BCL3: variants seen among roughly 807,000 people sequenced by gnomAD.
BCL3 encodes the protein BCL3 transcription coactivator.
BCL3 carries 15 observed loss-of-function variants against 35.7 expected under a neutral mutation model. The observed-to-expected ratio is 0.42, with a 90% CI of 0.28 to 0.65. BCL3 has a LOEUF of 0.65. Ranked by LOEUF, BCL3 falls within the 30% of genes least tolerant of loss-of-function variation. The pLI is 0.22. For missense variants in BCL3, 565 were observed against 641.7 expected (o/e 0.88, Z 1.29); for synonymous variants, 311 against 284.3 (o/e 1.09, Z -0.95).
In BCL3 at chr19:44,759,497, T is replaced by A; in HGVS notation, c.1247T>A (p.Met416Lys). 1.2e-6 allele frequency: 2 copies of A among 1,612,406 alleles called. No individual in the cohort carries two copies. Among genetic ancestry groups the A allele is most frequent in the Non-Finnish European group, 1.7e-6 (2 of 1,179,194 alleles). Reference protein sequence around the residue: ...SPPRDPPGFPMAPPNFFLPSP... With the variant: ...SPPRDPPGFPKAPPNFFLPSP... ...CCCAGGGACCCCCCTGGATTCCCCA[T>A]GGCTCCTCCCAATTTCTTCCTTCCT... Residue 416 changes from methionine (M) to lysine (K), a missense_variant, in exon 9 of 9, where the codon ATG becomes AAG. Transcript: ENST00000164227.
chr19:44,748,098 G>A (rs1252034629), upstream of BCL3: 3 of 1,333,676 alleles, frequency 2.2e-6, no homozygotes, highest in Non-Finnish European at 2.0e-6. Context: ...GGCTCAGAGA[G>A]GGGAAGTGTT....
upstream of BCL3, chr19:44,748,695 T>G (rs1232880942): frequency 9.6e-7 from 1 of 1,043,798 alleles, no homozygotes; most frequent in African/African-American, 1.7e-5. Flanking sequence ...GTCCCTTCAG[T>G]TCAGCCGGCT....
intron 2 of BCL3, among the ~76,000 whole-genome samples, chr19:44,754,894 T>C (rs1449330586): frequency 6.6e-6 from 1 of 152,250 alleles, no homozygotes; most frequent in Admixed American, 6.5e-5. Context: ...GCGGCTACGC[T>C]AGGAGGGGTT....
In BCL3 at chr19:44,758,711, C is replaced by T; in HGVS notation, c.1060-13C>T. ...GCATGGGTGGCTCTATGGTCACGCC[C>T]ATCTTCCTACAGGTCATCGACATCC... On this transcript the variant is annotated splice_polypyrimidine_tract_variant and intron_variant, in intron 7 of 8. Coordinates refer to ENST00000164227, the MANE Select transcript of BCL3 (RefSeq NM_005178.5). 6.3e-7 allele frequency: 1 copy of T among 1,582,560 alleles called. No homozygotes were observed. The highest frequency in any genetic ancestry group is 8.6e-7 in the Non-Finnish European group (1 of 1,164,022).
At chr19:44,748,171 A>G (rs1486593440), upstream of BCL3, 1 of 1,030,778 alleles carries the variant, frequency 9.7e-7, no homozygotes, top group Admixed American at 2.6e-5. Flanking sequence ...CAGAGATGCC[A>G]AGGCCTCCTG....
rs1388701925 is a variant in BCL3, at chr19:44,758,786, C to T, written c.1122C>T (p.Ser374=). Residue 374 remains serine (S), a synonymous_variant, in exon 8 of 9, where the codon TCC becomes TCT. Transcript: ENST00000164227. ...CTTCCACCTCCCAGCCAGACCCCTC[C>T]CCTGACCGGAGCGCCAACACCTCCC... ...RPASTSQPDP[S]PDRSANTSPE... The T allele has an allele frequency of 1.2e-6, 2 of 1,609,042 alleles. No individual in the cohort carries two copies. Among genetic ancestry groups the T allele is most frequent in the Admixed American group, 1.7e-5 (1 of 59,486 alleles).
rs764859226 is a variant in BCL3 at position 44,759,595 on chromosome 19, C to G, written c.1345C>G (p.Pro449Ala). 4 of 1,606,690 alleles carry G rather than the reference C, an allele frequency of 2.5e-6. No homozygotes were observed. The highest frequency in any genetic ancestry group is 1.7e-5 in the Admixed American group (1 of 59,636). The change falls in exon 9 of 9, where the codon CCA becomes GCA. Residue 449 changes from proline to alanine, a missense_variant. By Grantham distance (27) the Pro-to-Ala change is conservative. This residue lies in a region of BCL3 where 151 missense variants were observed against 138.1 expected (regional missense o/e 1.09). Coordinates refer to ENST00000164227, the MANE Select transcript of BCL3 (RefSeq NM_005178.5). ...RGPGRPVPPS[P>A]APGGS ...CCCTGGCCGGCCGGTGCCCCCCTCC[C>G]CAGCTCCAGGAGGCAGCTGAGGGGG...
At chr19:44,756,363 A>T in intron 3 of BCL3, 23 bp downstream of exon 3, 2 of 1,319,808 alleles carry the variant, frequency 1.5e-6, no homozygotes, top group Non-Finnish European at 2.0e-6. Context: ...CTGAGGGAGG[A>T]GGGCTGGGGC....
chr19:44,755,902 GAAC>G (rs751784573), intron 2 of BCL3, among the ~76,000 whole-genome samples: 2 of 152,134 alleles, frequency 1.3e-5, no homozygotes, highest in African/African-American at 2.4e-5. Flanking sequence ...CTGGGCGATA[GAAC>G]AACACTCCGT....
chr19:44,748,861 G>C lies in BCL3; in HGVS notation c.71G>C (p.Gly24Ala). 1.8e-6 allele frequency: 2 copies of C among 1,104,610 alleles called. No homozygotes were observed. Among genetic ancestry groups the C allele is most frequent in the Non-Finnish European group, 2.2e-6 (2 of 908,324 alleles). The allele number at this position is 1,104,610 out of a possible 1,614,324, so 68.4% of individuals were successfully genotyped here. The change falls in exon 1 of 9, where the codon GGA becomes GCA. Residue 24 changes from glycine (G) to alanine (A), a missense_variant. Gly to Ala is a moderately conservative substitution (Grantham distance 60). Transcript: ENST00000164227. ...CTGCGCACCCGGCCCAAGGCCGCCG[G>C]ACTCCCGGGCGCCGCGCTGCCGCTC... ...VDLRTRPKAA[G>A]LPGAALPLRK...
rs889400500 is a variant in BCL3, at chr19:44,759,801, C to T, written c.*186C>T. The stretch of plus-strand genomic sequence containing the variant: ...TCTGAGCACAGATGTTCCCCCATCT[C>T]GCTCCCTCCCAGGACTCTGACCCCA... On this transcript the variant is annotated 3_prime_UTR_variant, in exon 9 of 9. Transcript: ENST00000164227. 19 of 520,240 alleles carry T rather than the reference C, an allele frequency of 3.7e-5. No individual in the cohort carries two copies. The highest frequency in any genetic ancestry group is 8.1e-5 in the African/African-American group (4 of 49,674). 32.2% of individuals were successfully genotyped at this position (520,240 alleles called of 1,614,324 possible).
upstream of BCL3, chr19:44,747,952 C>G: frequency 2.3e-6 from 3 of 1,280,372 alleles, no homozygotes; most frequent in Non-Finnish European, 3.0e-6. Context: ...ACCCCCAGCC[C>G]CTTTAGACCC....
In BCL3 at chr19:44,758,226, C is replaced by A; in HGVS notation, c.892-20C>A. 6.8e-7 allele frequency: 1 copy of A among 1,468,152 alleles called. No homozygotes were observed. Among genetic ancestry groups the A allele is most frequent in the Non-Finnish European group, 8.9e-7 (1 of 1,120,324 alleles). 90.9% of individuals were successfully genotyped at this position (1,468,152 alleles called of 1,614,324 possible). ...CGGGTGGCCCGCGCGCCCTCCTGACCCGGCCCTCCCGTCCCGCAGCACGGC... is the reference window on the plus strand; with the variant it reads ...CGGGTGGCCCGCGCGCCCTCCTGACACGGCCCTCCCGTCCCGCAGCACGGC... On this transcript the variant is annotated intron_variant, in intron 6 of 8. Transcript: ENST00000164227.
At position 44,748,934 on chromosome 19, in the gene BCL3, C is replaced by A; in HGVS notation, c.144C>A (p.Arg48=). The change falls in exon 1 of 9, where the codon CGC becomes CGA. Residue 48 remains arginine (R), a synonymous_variant. Coordinates refer to ENST00000164227, the MANE Select transcript of BCL3 (RefSeq NM_005178.5). ...RAPSPEPAAP[R]GAAGLVVPLD... ...CCTCCCCGGAGCCCGCCGCTCCCCGCGGCGCTGCGGGCCTTGTCGTCCCCC... is the reference window on the plus strand; with the variant it reads ...CCTCCCCGGAGCCCGCCGCTCCCCGAGGCGCTGCGGGCCTTGTCGTCCCCC... 3 of 1,205,862 alleles carry A rather than the reference C, an allele frequency of 2.5e-6. No individual in the cohort carries two copies. The highest frequency in any genetic ancestry group is 2.1e-6 in the Non-Finnish European group (2 of 969,962). 74.7% of individuals were successfully genotyped at this position (1,205,862 alleles called of 1,614,324 possible). A position where few individuals can be genotyped will look rare whatever the true frequency, so the allele number is the denominator to read the frequency against.
intron 3 of BCL3, among the ~76,000 whole-genome samples, chr19:44,756,667 C>CT (rs1277660840): frequency 6.6e-6 from 1 of 151,084 alleles, no homozygotes; most frequent in Non-Finnish European, 1.5e-5. Context: ...GGTCTGGACT[C>CT]TAAGTAGCGA....
intron 2 of BCL3, among the ~76,000 whole-genome samples, chr19:44,752,987 T>A (rs1333017855): frequency 6.6e-6 from 1 of 152,216 alleles, no homozygotes; most frequent in Admixed American, 6.5e-5. Context: ...AGTGATTTCA[T>A]GTCCCTGAGT....
At chr19:44,750,151 C>T (rs1967149643) in intron 1 of BCL3, among the ~76,000 whole-genome samples, 1 of 152,198 alleles carries the variant, frequency 6.6e-6, no homozygotes, top group Non-Finnish European at 1.5e-5. Flanking sequence ...GCTGGAGAGC[C>T]TCAAGCTATG....
chr19:44,747,901 T>G (rs1252657772), upstream of BCL3: 2 of 1,154,966 alleles, frequency 1.7e-6, no homozygotes, highest in African/African-American at 3.3e-5. Flanking sequence ...CCCCAACGAG[T>G]GCAGAGACAC....
chr19:44,757,480 G>T lies in BCL3; in HGVS notation c.813+65G>T. 2 of 1,485,178 alleles carry T rather than the reference G, an allele frequency of 1.3e-6. No individual in the cohort carries two copies. Among genetic ancestry groups the T allele is most frequent in the Non-Finnish European group, 1.8e-6 (2 of 1,092,312 alleles). 92.0% of individuals were successfully genotyped at this position (1,485,178 alleles called of 1,614,324 possible). ...GCAGGGGCGGGGTCTTGGCGGGGGC[G>T]GGGCCAGTGTGGGGCTGGCGTGGGA... On this transcript the variant is annotated intron_variant, in intron 5 of 8. Coordinates refer to ENST00000164227, the MANE Select transcript of BCL3 (RefSeq NM_005178.5). This position sits in a 1 kb window ranked among gnomAD's most constrained non-coding sequence, Gnocchi z 8.4.
Sources: gnomAD v4.1 joint callset for allele counts (sites outside exome capture counted in the v4.1 genomes callset) on GRCh38, gnomAD v4.1.1 for gene constraint, gnomAD v4.1.1 regional missense constraint, Gnocchi (gnomAD v3.1) non-coding constraint, MANE v1.5 for transcripts, NCBI Gene and HGNC (gene_info 2026-07-23, HGNC 2026-07-21) for gene names.